The following IL1RAPL2 variants were observed in gnomAD, a reference collection of about 807,000 sequenced individuals.
The protein encoded by IL1RAPL2 is X-linked interleukin-1 receptor accessory protein-like 2.
IL1RAPL2 carries 3 observed loss-of-function variants against 44.1 expected under a neutral mutation model. The ratio of observed to expected loss-of-function variants is 0.07; its 90% confidence interval spans 0.03 to 0.18. IL1RAPL2 has a LOEUF of 0.18. Ranked by LOEUF, IL1RAPL2 falls within the 10% of genes least tolerant of loss-of-function variation. The pLI, the probability that IL1RAPL2 is intolerant of heterozygous loss-of-function variation, is 1.00. For missense variants in IL1RAPL2, 391 were observed against 496.4 expected (o/e 0.79, Z 2.02); for synonymous variants, 181 against 178.8 (o/e 1.01, Z -0.10).
intron 2 of IL1RAPL2, among the ~76,000 whole-genome samples, chrX:104,802,566 A>G (rs1362662808): frequency 9.0e-6 from 1 of 110,926 alleles, no homozygotes; most frequent in Non-Finnish European, 1.9e-5. Flanking sequence ...ACAATTTTAA[A>G]TCATTTCAGC....
At chrX:105,288,388 G>C (rs2034586783) in intron 5 of IL1RAPL2, among the ~76,000 whole-genome samples, 1 of 101,105 alleles carries the variant, frequency 9.9e-6, no homozygotes, top group South Asian at 4.8e-4. Flanking sequence ...TAAATGAACT[G>C]AGTCATTTGC....
intron 2 of IL1RAPL2, among the ~76,000 whole-genome samples, chrX:105,101,637 AGCATGAAT>A (rs774988590): frequency 3.6e-4 from 40 of 110,331 alleles, no homozygotes; most frequent in Middle Eastern, 4.7e-3. Flanking sequence ...TAGCCATCTG[AGCATGAAT>A]GCATGTTTCA....
chrX:105,644,769 C>G, intron 6 of IL1RAPL2, among the ~76,000 whole-genome samples: 1 of 110,238 alleles, frequency 9.1e-6, no homozygotes. Flanking sequence ...CCTCCCATGC[C>G]CCCCCAACAG....
chrX:105,738,718 G>GT (rs1254843307), intron 7 of IL1RAPL2, among the ~76,000 whole-genome samples: 1 of 110,952 alleles, frequency 9.0e-6, no homozygotes, highest in Non-Finnish European at 1.9e-5. Context: ...GTAGCTGGTC[G>GT]TTGTTGACAG....
At chrX:104,811,521 T>G (rs1408111471) in intron 2 of IL1RAPL2, among the ~76,000 whole-genome samples, 1 of 111,108 alleles carries the variant, frequency 9.0e-6, no homozygotes, top group Non-Finnish European at 1.9e-5. Context: ...CCCCCTCTTT[T>G]TTTTTCTGTT....
At chrX:105,468,352 C>A (rs1182553600) in intron 5 of IL1RAPL2, among the ~76,000 whole-genome samples, 4 of 111,388 alleles carry the variant, frequency 3.6e-5, no homozygotes, top group African/African-American at 1.3e-4. Flanking sequence ...GGGAGGCTGG[C>A]AAATGTGTAG....
At chrX:105,679,655 A>C (rs1316945621) in intron 6 of IL1RAPL2, among the ~76,000 whole-genome samples, 3 of 112,166 alleles carry the variant, frequency 2.7e-5, no homozygotes, top group Non-Finnish European at 3.8e-5. Flanking sequence ...AACAATGAAC[A>C]GAACAATGAT....
At chrX:104,585,353 T>TATATATTATATATA (rs1491154093) in intron 1 of IL1RAPL2, among the ~76,000 whole-genome samples, 2 of 19,689 alleles carry the variant, frequency 1.0e-4, no homozygotes, top group Non-Finnish European at 1.4e-4. Context: ...TTATATATAT[T>TATATATTATATATA]ATATATATTA....
intron 6 of IL1RAPL2, among the ~76,000 whole-genome samples, chrX:105,590,823 G>A (rs916962765): frequency 2.0e-5 from 2 of 101,629 alleles, no homozygotes; most frequent in Non-Finnish European, 3.9e-5. Context: ...TTGTGTGTGT[G>A]TGTGTGTGTG....
intron 6 of IL1RAPL2, among the ~76,000 whole-genome samples, chrX:105,628,942 C>CAAAA (rs34686044): frequency 2.2e-5 from 2 of 92,971 alleles, no homozygotes; most frequent in Non-Finnish European, 2.1e-5. Flanking sequence ...GACTTCATCT[C>CAAAA]AAAAAAAAAA....
intron 2 of IL1RAPL2, among the ~76,000 whole-genome samples, chrX:105,166,179 C>G: frequency 9.0e-6 from 1 of 111,593 alleles, no homozygotes; most frequent in Non-Finnish European, 1.9e-5. Context: ...ATTGTATTAT[C>G]TATTAATATC....
intron 5 of IL1RAPL2, among the ~76,000 whole-genome samples, chrX:105,399,725 C>T (rs1255817460): frequency 9.0e-6 from 1 of 111,119 alleles, no homozygotes; most frequent in Non-Finnish European, 1.9e-5. Context: ...TTTATGAGCA[C>T]CTATTATGTT....
At chrX:104,883,143 A>G (rs1923118257) in intron 2 of IL1RAPL2, among the ~76,000 whole-genome samples, 1 of 111,688 alleles carries the variant, frequency 9.0e-6, no homozygotes, top group African/African-American at 3.3e-5. Flanking sequence ...TTCCAGACAC[A>G]TTTTGGTGAC....
intron 2 of IL1RAPL2, among the ~76,000 whole-genome samples, chrX:104,901,096 G>A (rs1239790097): frequency 9.5e-6 from 1 of 104,919 alleles, no homozygotes; most frequent in African/African-American, 3.5e-5. Context: ...TCCTTTGTTT[G>A]TTCATTCAAT....
intron 2 of IL1RAPL2, among the ~76,000 whole-genome samples, chrX:105,051,524 AG>A (rs1234158770): frequency 1.8e-5 from 2 of 112,305 alleles, no homozygotes; most frequent in African/African-American, 3.2e-5. Flanking sequence ...GAGCACAGGG[AG>A]GGTCGGATCC....
At chrX:104,596,894 A>C (rs1177671189) in intron 1 of IL1RAPL2, among the ~76,000 whole-genome samples, 4 of 111,451 alleles carry the variant, frequency 3.6e-5, no homozygotes, top group Non-Finnish European at 5.6e-5. Context: ...TGAGGCATAC[A>C]GTGGGTGAGT....
At chrX:104,854,497 G>T (rs1324106052) in intron 2 of IL1RAPL2, among the ~76,000 whole-genome samples, 4 of 111,646 alleles carry the variant, frequency 3.6e-5, no homozygotes, top group Non-Finnish European at 7.5e-5. Context: ...AGCATTCAGA[G>T]AAATGTTCTG....
intron 2 of IL1RAPL2, among the ~76,000 whole-genome samples, chrX:105,055,770 A>C (rs1194532751): frequency 1.0e-5 from 1 of 97,293 alleles, no homozygotes; most frequent in African/African-American, 3.8e-5. Context: ...ACTGTAGGAA[A>C]AGCCCCCAGT....
intron 2 of IL1RAPL2, among the ~76,000 whole-genome samples, chrX:104,878,947 G>T: frequency 9.0e-6 from 1 of 110,677 alleles, no homozygotes; most frequent in East Asian, 2.8e-4. Context: ...ATATGGAAGA[G>T]GAAGACATTA....
Sources: gnomAD v4.1 joint callset for allele counts (sites outside exome capture counted in the v4.1 genomes callset) on GRCh38, gnomAD v4.1.1 for gene constraint, MANE v1.5 for transcripts, NCBI Gene and HGNC (gene_info 2026-07-23, HGNC 2026-07-21) for gene names.